Variants in DMXL2 observed in about 807,000 individuals in gnomAD.
DMXL2 encodes the protein dmX-like protein 2.
In DMXL2, 103 loss-of-function variants were observed where a neutral mutation model predicts 331.1. That is an observed-to-expected ratio of 0.31 (90% CI 0.27 to 0.37). The LOEUF is 0.37. Ranked by LOEUF, DMXL2 falls within the 10% of genes least tolerant of loss-of-function variation. The pLI is 1.00. For synonymous variants in DMXL2, 1,281 were observed against 1,252.1 expected (o/e 1.02, Z -0.49); for missense variants, 3,171 against 3,642.9 (o/e 0.87, Z 3.33).
intron 1 of DMXL2, among the ~76,000 whole-genome samples, chr15:51,621,875 G>A (rs2054652320): frequency 6.6e-6 from 1 of 152,088 alleles, no homozygotes; most frequent in African/African-American, 2.4e-5. Flanking sequence ...TTTCGGGCGC[G>A]GAGGATGAAT....
At chr15:51,496,552 A>C (rs1440432455) in intron 18 of DMXL2, among the ~76,000 whole-genome samples, 1 of 152,238 alleles carries the variant, frequency 6.6e-6, no homozygotes, top group African/African-American at 2.4e-5. Flanking sequence ...AAAGTGAGAC[A>C]GGAAGGCACC....
In DMXL2 at chr15:51,565,159, T is replaced by C; in HGVS notation, c.293A>G (p.Lys98Arg). 6.4e-7 allele frequency: 1 copy of C among 1,572,362 alleles called. No homozygotes were observed. The highest frequency in any genetic ancestry group is 8.6e-7 in the Non-Finnish European group (1 of 1,162,002). Residue 98 changes from lysine (K) to arginine (R), a missense_variant, in exon 4 of 44, where the codon AAG becomes AGG. Lys to Arg is a conservative substitution (Grantham distance 26). Coordinates refer to ENST00000560891, the MANE Select transcript of DMXL2 (RefSeq NM_001378457.1). Reference protein sequence around the residue: ...INSHKRNCQLKCQWLKTGQFF... With the variant: ...INSHKRNCQLRCQWLKTGQFF... The stretch of plus-strand genomic sequence containing the variant: ...CTGCCCAGTTTTAAGCCACTGGCAC[T>C]TGAGTTGCTGAAATACGTAGACAAA...
Position 51,622,732 on chromosome 15 carries a change from A to ACCGCCG in DMXL2, c.-193_-188dup. 1.7e-6 allele frequency: 2 copies of ACCGCCG among 1,169,820 alleles called. No homozygotes were observed. Among genetic ancestry groups the ACCGCCG allele is most frequent in the Non-Finnish European group, 2.3e-6 (2 of 869,480 alleles). The allele number at this position is 1,169,820 out of a possible 1,614,324, so 72.5% of individuals were successfully genotyped here. A position where few individuals can be genotyped will look rare whatever the true frequency, so the allele number is the denominator to read the frequency against. Reference sequence around the variant, plus strand: ...TCGTCCCTGCCATGGGAGCTCCTCGACCGCCGCCGCCGCCCGGGTCGCCGC... The same window carrying ACCGCCG: ...TCGTCCCTGCCATGGGAGCTCCTCGACCGCCGCCGCCGCCGCCGCCCGGGTCGCCGC... On this transcript the variant is annotated 5_prime_UTR_variant, in exon 1 of 44. Transcript: ENST00000560891.
intron 18 of DMXL2, among the ~76,000 whole-genome samples, chr15:51,498,050 T>A (rs2043308874): frequency 6.6e-6 from 1 of 151,998 alleles, no homozygotes; most frequent in Non-Finnish European, 1.5e-5. Context: ...TGGGGCAACA[T>A]AAGGAGACCT....
At chr15:51,528,049 AGCT>A (rs2047780247) in intron 13 of DMXL2, among the ~76,000 whole-genome samples, 1 of 151,536 alleles carries the variant, frequency 6.6e-6, no homozygotes. Context: ...AATATTTGCA[AGCT>A]TCATGGTAAC....
intron 23 of DMXL2, among the ~76,000 whole-genome samples, chr15:51,485,516 T>C (rs1443648771): frequency 1.3e-5 from 2 of 152,230 alleles, no homozygotes; most frequent in African/African-American, 4.8e-5. Context: ...CTGTGCATCT[T>C]ACTTTTTTTC....
chr15:51,525,333 C>T (rs539983153), intron 13 of DMXL2, among the ~76,000 whole-genome samples: 26 of 152,156 alleles, frequency 1.7e-4, no homozygotes, highest in Middle Eastern at 3.4e-3. Context: ...ATGGTAGCTA[C>T]AGGGCAAGAC....
intron 1 of DMXL2, among the ~76,000 whole-genome samples, chr15:51,610,722 C>T (rs965002344): frequency 6.6e-6 from 1 of 150,908 alleles, no homozygotes; most frequent in Non-Finnish European, 1.5e-5. Flanking sequence ...GAGCCGAGAT[C>T]GCGCCACTGC....
At chr15:51,567,654 G>C (rs753957852) in intron 3 of DMXL2, 4 of 152,232 alleles carry the variant, frequency 2.6e-5, no homozygotes, top group Non-Finnish European at 5.9e-5. Context: ...CTGAGAAACA[G>C]TAAAAATGCC....
At chr15:51,522,290 A>G (rs573245658) in intron 13 of DMXL2, among the ~76,000 whole-genome samples, 1 of 152,356 alleles carries the variant, frequency 6.6e-6, no homozygotes, top group South Asian at 2.1e-4. Flanking sequence ...TGTCTTTGTA[A>G]TAATAAATCC....
At chr15:51,579,530 G>A (rs986334600) in intron 1 of DMXL2, among the ~76,000 whole-genome samples, 3 of 152,156 alleles carry the variant, frequency 2.0e-5, no homozygotes, top group Non-Finnish European at 4.4e-5. Context: ...CCTTGTCCTT[G>A]TTTACCATTG....
chr15:51,523,312 T>C (rs1596113879), intron 13 of DMXL2, among the ~76,000 whole-genome samples: 1 of 152,206 alleles, frequency 6.6e-6, no homozygotes, highest in South Asian at 2.1e-4. Context: ...GTCTATATTT[T>C]AGAAAGGTTA....
chr15:51,578,769 T>C (rs1005954794), intron 1 of DMXL2, among the ~76,000 whole-genome samples: 5 of 152,154 alleles, frequency 3.3e-5, no homozygotes, highest in African/African-American at 4.8e-5. Context: ...TGAGGAGTAG[T>C]TAAATAAATT....
intron 1 of DMXL2, among the ~76,000 whole-genome samples, chr15:51,593,144 A>C (rs2052523272): frequency 6.6e-6 from 1 of 152,232 alleles, no homozygotes; most frequent in Admixed American, 6.5e-5. Flanking sequence ...GTCAAGACCC[A>C]TCAGTGTGCT....
At chr15:51,450,024 G>T in intron 43 of DMXL2, 105 bp downstream of exon 43, 2 of 1,035,020 alleles carry the variant, frequency 1.9e-6, no homozygotes, top group Non-Finnish European at 1.4e-6. Context: ...CCATGCAGTA[G>T]CCCAAGTGAA....
chr15:51,588,559 C>A (rs1417866726), intron 1 of DMXL2, among the ~76,000 whole-genome samples: 1 of 151,916 alleles, frequency 6.6e-6, no homozygotes, highest in Non-Finnish European at 1.5e-5. Flanking sequence ...TCATATATAC[C>A]AACATAAATT....
At chr15:51,530,370 C>T (rs913867370) in intron 13 of DMXL2, among the ~76,000 whole-genome samples, 1 of 152,080 alleles carries the variant, frequency 6.6e-6, no homozygotes, top group African/African-American at 2.4e-5. Flanking sequence ...TTGATAAATT[C>T]AGTAAAGTTC....
chr15:51,572,209 C>T (rs2050717030), intron 2 of DMXL2, among the ~76,000 whole-genome samples: 1 of 143,872 alleles, frequency 7.0e-6, no homozygotes, highest in African/African-American at 2.5e-5. Context: ...TTCCTGGACA[C>T]ATACACCCTC....
chr15:51,453,075 TG>T (rs934984858), intron 41 of DMXL2, among the ~76,000 whole-genome samples: 2 of 151,324 alleles, frequency 1.3e-5, no homozygotes, highest in African/African-American at 4.9e-5. Flanking sequence ...TAATGGACTC[TG>T]GGGGCTTGGG....
Sources: allele counts gnomAD v4.1 joint callset (sites outside exome capture counted in the v4.1 genomes callset), GRCh38; gene constraint gnomAD v4.1.1; transcripts MANE v1.5; gene names NCBI Gene and HGNC (gene_info 2026-07-23, HGNC 2026-07-21).